NRG1: variants seen among roughly 807,000 people sequenced by gnomAD.
NRG1 encodes the protein neuregulin 1.
NRG1 carries 18 observed loss-of-function variants against 63.8 expected under a neutral mutation model. The ratio of observed to expected loss-of-function variants is 0.28; its 90% CI spans 0.19 to 0.42. The LOEUF is 0.42. Among genes scored for constraint, NRG1 ranks in the 10% least tolerant of loss-of-function variants. NRG1 has a pLI of 1.00. For missense variants in NRG1, 762 were observed against 814.7 expected (o/e 0.94, Z 0.79); for synonymous variants, 302 against 301.3 (o/e 1.00, Z -0.02).
chr8:31,684,985 G>A (rs1167741054), intron 1 of NRG1, among the ~76,000 whole-genome samples: 1 of 152,112 alleles, frequency 6.6e-6, no homozygotes, highest in African/African-American at 2.4e-5. Flanking sequence ...CAAATTTTGA[G>A]GCCTTAGTAA....
chr8:32,608,081 A>T (rs533520493), intron 3 of NRG1, among the ~76,000 whole-genome samples: 13 of 139,860 alleles, frequency 9.3e-5, no homozygotes, highest in Non-Finnish European at 1.5e-4. Context: ...ATATGAACCC[A>T]GGTTTTTTTT....
intron 1 of NRG1, among the ~76,000 whole-genome samples, chr8:31,651,833 T>C (rs1391023469): frequency 6.6e-6 from 1 of 152,164 alleles, no homozygotes; most frequent in African/African-American, 2.4e-5. Flanking sequence ...TGGATTCACC[T>C]ACTGCAGAAG....
intron 1 of NRG1, among the ~76,000 whole-genome samples, chr8:32,584,338 G>A (rs568080530): frequency 1.6e-4 from 25 of 152,254 alleles, no homozygotes; most frequent in Admixed American, 3.3e-4. Flanking sequence ...ATCTTCCTGT[G>A]GGGTAGAAGT....
chr8:32,575,160 C>G (rs1404665171), intron 1 of NRG1, among the ~76,000 whole-genome samples: 1 of 152,166 alleles, frequency 6.6e-6, no homozygotes, highest in Non-Finnish European at 1.5e-5. Context: ...TGACCTTTGT[C>G]TTAGTGTCCA....
chr8:31,980,388 G>A (rs1563643282), intron 1 of NRG1, among the ~76,000 whole-genome samples: 1 of 151,932 alleles, frequency 6.6e-6, no homozygotes. Context: ...TTACTTTTGG[G>A]ATCTAAGCTT....
At chr8:32,740,793 G>A (rs1363852901) in intron 6 of NRG1, among the ~76,000 whole-genome samples, 1 of 152,052 alleles carries the variant, frequency 6.6e-6, no homozygotes, top group African/African-American at 2.4e-5. Context: ...CCCTATATTG[G>A]TAACAAGGAA....
At chr8:32,163,593 A>AGT (rs1839084084) in intron 1 of NRG1, among the ~76,000 whole-genome samples, 2 of 152,208 alleles carry the variant, frequency 1.3e-5, no homozygotes, top group Admixed American at 1.3e-4. Flanking sequence ...ACCTCCCACC[A>AGT]GTAGCTTTGG....
chr8:31,833,151 G>A (rs1825333432), intron 1 of NRG1, among the ~76,000 whole-genome samples: 1 of 152,180 alleles, frequency 6.6e-6, no homozygotes, highest in Non-Finnish European at 1.5e-5. Flanking sequence ...AAGGCACATA[G>A]AGAAGAGTGG....
chr8:32,424,122 T>C (rs1000959520), intron 1 of NRG1, among the ~76,000 whole-genome samples: 2 of 152,200 alleles, frequency 1.3e-5, no homozygotes, highest in Admixed American at 1.3e-4. Flanking sequence ...CCATGAGTTC[T>C]AACTCGGGTT....
chr8:31,745,402 T>C (rs944414170), intron 1 of NRG1, among the ~76,000 whole-genome samples: 1 of 151,924 alleles, frequency 6.6e-6, no homozygotes, highest in Non-Finnish European at 1.5e-5. Flanking sequence ...GTGGTTCAGA[T>C]GTGGGTGACA....
intron 1 of NRG1, among the ~76,000 whole-genome samples, chr8:31,937,704 T>A (rs1366610619): frequency 6.6e-6 from 1 of 152,200 alleles, no homozygotes; most frequent in East Asian, 1.9e-4. Context: ...CCTTTAGGAC[T>A]GCAGGCTGCA....
chr8:32,468,638 A>T (rs1823369171), intron 1 of NRG1, among the ~76,000 whole-genome samples: 1 of 151,720 alleles, frequency 6.6e-6, no homozygotes, highest in Non-Finnish European at 1.5e-5. Flanking sequence ...TTCTCCACTT[A>T]TTACTCTATT....
chr8:32,602,565 ATGT>A (rs375051314), intron 2 of NRG1, among the ~76,000 whole-genome samples: 2 of 152,106 alleles, frequency 1.3e-5, no homozygotes, highest in Non-Finnish European at 2.9e-5. Context: ...AATTCTTGGG[ATGT>A]TGTTGTAATC....
intron 1 of NRG1, among the ~76,000 whole-genome samples, chr8:32,136,386 A>G (rs1835525453): frequency 6.6e-6 from 1 of 152,162 alleles, no homozygotes; most frequent in South Asian, 2.1e-4. Flanking sequence ...CTATTGTCAT[A>G]AAGTCCGTGG....
intron 1 of NRG1, among the ~76,000 whole-genome samples, chr8:31,917,969 T>C (rs1052243711): frequency 5.9e-5 from 9 of 152,238 alleles, no homozygotes; most frequent in African/African-American, 2.2e-4. Flanking sequence ...TCTGAAGCAG[T>C]TGTGAATGGG....
intron 1 of NRG1, among the ~76,000 whole-genome samples, chr8:32,217,213 C>CA (rs538507645): frequency 0.01 from 1,022 of 101,100 alleles, 34 homozygotes; most frequent in East Asian, 0.033. Context: ...GACCCTGTCT[C>CA]AAAAAAAAAA....
chr8:32,665,151 A>T (rs1344913291), intron 5 of NRG1, among the ~76,000 whole-genome samples: 1 of 152,122 alleles, frequency 6.6e-6, no homozygotes, highest in African/African-American at 2.4e-5. Flanking sequence ...GGCACTGGTA[A>T]TTTATGTACT....
chr8:31,963,567 A>G (rs1475981025), intron 1 of NRG1, among the ~76,000 whole-genome samples: 1 of 152,216 alleles, frequency 6.6e-6, no homozygotes, highest in African/African-American at 2.4e-5. Context: ...AAATGCCATA[A>G]TATTTCCACA....
chr8:32,609,986 C>T (rs925328253), intron 3 of NRG1, among the ~76,000 whole-genome samples: 2 of 151,272 alleles, frequency 1.3e-5, no homozygotes, highest in Non-Finnish European at 2.9e-5. Flanking sequence ...TTTATTGTTT[C>T]ATTGTGGATT....
Sources: gnomAD v4.1 joint callset for allele counts (sites outside exome capture counted in the v4.1 genomes callset) on GRCh38, gnomAD v4.1.1 for gene constraint, MANE v1.5 for transcripts, NCBI Gene and HGNC (gene_info 2026-07-23, HGNC 2026-07-21) for gene names.